ERP44: variants seen among roughly 807,000 people sequenced by gnomAD.
ERP44 encodes the protein endoplasmic reticulum protein 44.
Under a neutral mutation model 53.4 loss-of-function variants are expected in ERP44, and 25 were observed. The ratio of observed to expected loss-of-function variants is 0.47; its 90% CI spans 0.34 to 0.65. The LOEUF (loss-of-function observed/expected upper bound fraction) is 0.65, where lower values mean the gene tolerates loss of function less well. Ranked by LOEUF, ERP44 falls within the 30% of genes least tolerant of loss-of-function variation. ERP44 has a pLI of 0.01. For synonymous variants in ERP44, 145 were observed against 161.2 expected, an observed-to-expected ratio of 0.90 and a Z score of 0.76; for missense variants, 338 against 493.2, an observed-to-expected ratio of 0.69 and a Z score of 2.98.
intron 7 of ERP44, 100 bp downstream of exon 7, chr9:100,018,156 A>G (rs1384386537): frequency 1.2e-6 from 1 of 810,016 alleles, no homozygotes; most frequent in East Asian, 2.5e-5. Flanking sequence ...TTCAATTCTA[A>G]AGTTCTATTA....
chr9:100,024,112 C>A (rs1830625670), intron 4 of ERP44, among the ~76,000 whole-genome samples: 1 of 151,908 alleles, frequency 6.6e-6, no homozygotes, highest in Non-Finnish European at 1.5e-5. Flanking sequence ...CAAGATCGTG[C>A]CAGTGCACTC....
chr9:100,052,373 T>A, intron 4 of ERP44, 44 bp downstream of exon 4: 1 of 950,618 alleles, frequency 1.1e-6, no homozygotes, highest in South Asian at 2.2e-5. Flanking sequence ...TGCCTGTGTT[T>A]GGGATGGGAC....
At chr9:100,058,513 G>T (rs1030459326) in intron 2 of ERP44, among the ~76,000 whole-genome samples, 1 of 152,178 alleles carries the variant, frequency 6.6e-6, no homozygotes, top group African/African-American at 2.4e-5. Flanking sequence ...GAATAACTGA[G>T]AATTAGTTCT....
chr9:100,023,027 T>C (rs1387889936), intron 4 of ERP44, among the ~76,000 whole-genome samples: 2 of 152,216 alleles, frequency 1.3e-5, no homozygotes, highest in East Asian at 3.8e-4. Flanking sequence ...AAGAATGCTT[T>C]ATTCATCAAA....
At chr9:100,095,988 T>C (rs188081420) in intron 1 of ERP44, among the ~76,000 whole-genome samples, 241 of 152,254 alleles carry the variant, frequency 1.6e-3, no homozygotes, top group African/African-American at 5.6e-3. Flanking sequence ...CTATACATAT[T>C]GAACAAACCG....
At chr9:100,020,759 G>T in intron 5 of ERP44, 28 bp from the exon 6 acceptor site, 1 of 1,147,020 alleles carries the variant, frequency 8.7e-7, no homozygotes, top group Non-Finnish European at 1.3e-6. Context: ...CAATTATTTT[G>T]CAAACATACA....
chr9:100,064,684 C>A (rs1021156423), intron 1 of ERP44, among the ~76,000 whole-genome samples: 29 of 152,132 alleles, frequency 1.9e-4, no homozygotes, highest in Non-Finnish European at 1.5e-5. Flanking sequence ...TAATGAGAGG[C>A]TACATATATG....
At chr9:100,022,413 G>A (rs1830602143) in intron 4 of ERP44, among the ~76,000 whole-genome samples, 187 bp from the exon 5 acceptor site, 1 of 152,094 alleles carries the variant, frequency 6.6e-6, no homozygotes, top group Non-Finnish European at 1.5e-5. Context: ...CCAGGTTCTG[G>A]ACTGGGTTTA....
rs1452048411 is a variant in ERP44 at position 100,098,915 on chromosome 9, G to C, written c.-75C>G. 4 of 1,263,696 alleles carry C rather than the reference G, an allele frequency of 3.2e-6. No homozygotes were observed. In the East Asian group the frequency reaches 9.6e-5, roughly 30 times the overall value. The allele number at this position is 1,263,696 out of a possible 1,614,324, so 78.3% of individuals were successfully genotyped here. On this transcript the variant is annotated 5_prime_UTR_variant, in exon 1 of 12. Coordinates refer to ENST00000262455, the MANE Select transcript of ERP44 (RefSeq NM_015051.3). ...GCTAGGTTGGGTTGGGTTAGGAAAG[G>C]GCTGGGCTCCGGGAGCCGACGGCAG...
chr9:100,070,028 G>C lies in ERP44; in HGVS notation c.58-9856C>G, dbSNP rs1459581141. On this transcript the variant is annotated intron_variant, in intron 1 of 11. Coordinates refer to ENST00000262455, the MANE Select transcript of ERP44 (RefSeq NM_015051.3). ...CTGGGGGTGAACTTCTCAATGTGCG[G>C]AAAAAAATTATTCTCTTAAAATCAC... 5.3e-5 allele frequency among the ~76,000 whole-genome samples: 8 copies of C among 152,042 alleles called. No homozygotes were observed. In the South Asian group the frequency reaches 1.7e-3, roughly 32 times the overall value.
chr9:100,071,593 T>C (rs1013470992), intron 1 of ERP44, among the ~76,000 whole-genome samples: 5 of 152,158 alleles, frequency 3.3e-5, no homozygotes, highest in African/African-American at 1.2e-4. Context: ...ACTATATATA[T>C]CCAAAGTATT....
At chr9:100,012,999 T>C (rs1340737047) in intron 8 of ERP44, among the ~76,000 whole-genome samples, 1 of 152,080 alleles carries the variant, frequency 6.6e-6, no homozygotes, top group Non-Finnish European at 1.5e-5. Flanking sequence ...ACCCCAAGAA[T>C]GCATTCTCAA....
intron 10 of ERP44, chr9:99,998,355 G>T (rs2118619487): frequency 5.3e-6 from 3 of 568,712 alleles, no homozygotes; most frequent in East Asian, 6.5e-5. Flanking sequence ...TTGCCTTGCA[G>T]TTCCTCCCGC....
At chr9:100,031,250 T>C (rs1166030925) in intron 4 of ERP44, among the ~76,000 whole-genome samples, 1 of 152,196 alleles carries the variant, frequency 6.6e-6, no homozygotes, top group African/African-American at 2.4e-5. Context: ...GAGCTTGACC[T>C]TGTAAGAATG....
At chr9:100,016,699 G>A (rs1195199944) in intron 7 of ERP44, among the ~76,000 whole-genome samples, 1 of 152,056 alleles carries the variant, frequency 6.6e-6, no homozygotes, top group African/African-American at 2.4e-5. Flanking sequence ...ATGGGGTCTT[G>A]TTATGTTGCC....
intron 1 of ERP44, among the ~76,000 whole-genome samples, chr9:100,076,803 CA>C (rs2118742133): frequency 6.6e-6 from 1 of 152,296 alleles, no homozygotes; most frequent in Admixed American, 6.5e-5. Flanking sequence ...TTTTAATAAC[CA>C]AGTGGATAGG....
At chr9:100,017,725 C>T (rs1488818803) in intron 7 of ERP44, among the ~76,000 whole-genome samples, 2 of 152,094 alleles carry the variant, frequency 1.3e-5, no homozygotes, top group African/African-American at 2.4e-5. Context: ...TTTGGGATAA[C>T]ATGTGCTACG....
intron 6 of ERP44, among the ~76,000 whole-genome samples, chr9:100,020,138 C>T (rs1221127276): frequency 6.6e-6 from 1 of 152,062 alleles, no homozygotes; most frequent in African/African-American, 2.4e-5. Context: ...TTGAAGGACA[C>T]CAGTTACAAG....
intron 4 of ERP44, among the ~76,000 whole-genome samples, chr9:100,031,279 G>A (rs958955927): frequency 6.6e-6 from 1 of 152,088 alleles, no homozygotes; most frequent in African/African-American, 2.4e-5. Flanking sequence ...CTTTCTGTTG[G>A]TCTCTGCCAT....
Sources: allele counts gnomAD v4.1 joint callset (sites outside exome capture counted in the v4.1 genomes callset), GRCh38; gene constraint gnomAD v4.1.1; transcripts MANE v1.5; gene names NCBI Gene and HGNC (gene_info 2026-07-23, HGNC 2026-07-21).